The following GRM5 variants were observed in gnomAD, a reference collection of about 807,000 sequenced individuals.
GRM5 encodes glutamate metabotropic receptor 5, also known as metabotropic glutamate receptor 5.
Under a neutral mutation model 83.1 loss-of-function variants are expected in GRM5, and 19 were observed. The observed-to-expected ratio is 0.23, with a 90% CI of 0.16 to 0.34. GRM5 has a LOEUF of 0.34. Among genes scored for constraint, GRM5 ranks in the 10% least tolerant of loss-of-function variants. The pLI is 1.00. For synonymous variants in GRM5, 675 were observed against 633.6 expected, an observed-to-expected ratio of 1.07 and a Z score of -0.98; for missense variants, 1,160 against 1,588.3, an observed-to-expected ratio of 0.73 and a Z score of 4.58.
Position 88,950,868 on chromosome 11 carries a change from T to A in GRM5, c.661+96344A>T, listed in dbSNP as rs186752627. Among the ~76,000 whole-genome samples, 10 of 152,316 alleles carry A rather than the reference T, an allele frequency of 6.6e-5. No homozygotes were observed. The East Asian group carries it at 1.2e-3, about 18-fold the overall frequency. ...CCAGTGTGATTCTAATTCACAGGTT[T>A]GTCGTTAGGATCAAGGGAGATACTA... is the stretch of plus-strand genomic sequence containing the variant. On this transcript the variant is annotated intron_variant, in intron 2 of 9. Coordinates refer to ENST00000305447, the MANE Select transcript of GRM5 (RefSeq NM_001143831.3).
rs1363695443 is a variant in GRM5, at chr11:88,604,756, A to G, written c.1356T>C (p.Asp452=). 1 of 1,612,184 alleles carries G rather than the reference A, an allele frequency of 6.2e-7. No individual in the cohort carries two copies. Residue 452 remains aspartate (D), a synonymous_variant, in exon 5 of 10, where the codon GAT becomes GAC. Coordinates refer to ENST00000305447, the MANE Select transcript of GRM5 (RefSeq NM_001143831.3). ...CTCCATTCTCATCGAATAGGATCGT[A>G]TCTCCAGAAACCCCAGTAAAATTGG... ...MKTNFTGVSG[D]TILFDENGDS...
chr11:88,594,039 C>T (rs186775018), intron 6 of GRM5, among the ~76,000 whole-genome samples: 5 of 152,140 alleles, frequency 3.3e-5, no homozygotes, highest in East Asian at 2.0e-4. Flanking sequence ...GTGATCCGCC[C>T]GCCTAGGCCT....
At chr11:89,031,256 T>C (rs1941254979) in intron 2 of GRM5, among the ~76,000 whole-genome samples, 1 of 152,002 alleles carries the variant, frequency 6.6e-6, no homozygotes, top group African/African-American at 2.4e-5. Context: ...CCAGCAATTA[T>C]TTATTTAAAA....
In GRM5 at chr11:89,047,738, G is replaced by T. The variant is rs768500067; in HGVS notation, c.135C>A (p.His45Gln). 3.1e-6 allele frequency: 5 copies of T among 1,614,080 alleles called. No individual in the cohort carries two copies. The highest frequency in any genetic ancestry group is 4.2e-6 in the Non-Finnish European group (5 of 1,180,006). Residue 45 changes from histidine (H) to glutamine (Q), a missense_variant, in exon 2 of 10, where the codon CAC becomes CAA. By Grantham distance (24) the His-to-Gln change is conservative. Coordinates refer to ENST00000305447, the MANE Select transcript of GRM5 (RefSeq NM_001143831.3). The surrounding 1 kb of genome is among the most constrained non-coding windows in gnomAD (Gnocchi z 5.1). ...IIIGALFSVHHQPTVDKVHER... is the reference protein window; with the variant it reads ...IIIGALFSVHQQPTVDKVHER... ...CATGAACTTTGTCCACAGTAGGCTG[G>T]TGATGAACAGAAAAGAGAGCTCCAA...
intron 2 of GRM5, among the ~76,000 whole-genome samples, chr11:88,978,502 A>AAC: frequency 1.3e-5 from 1 of 77,440 alleles, no homozygotes; most frequent in Non-Finnish European, 2.5e-5. Context: ...AAAAAAAAAA[A>AAC]AAAAAAAAAA....
At chr11:88,882,151 C>G (rs897803489) in intron 2 of GRM5, among the ~76,000 whole-genome samples, 2 of 151,860 alleles carry the variant, frequency 1.3e-5, no homozygotes, top group Middle Eastern at 3.4e-3. Context: ...GAAAGAGAAT[C>G]GCTTGAACCC....
intron 9 of GRM5, among the ~76,000 whole-genome samples, chr11:88,517,909 T>C (rs917852908): frequency 5.9e-5 from 9 of 152,136 alleles, no homozygotes; most frequent in African/African-American, 1.9e-4. Context: ...CATAAATGTG[T>C]GCATATAGAT....
chr11:88,624,439 T>C (rs542692723), intron 4 of GRM5, among the ~76,000 whole-genome samples: 109 of 152,336 alleles, frequency 7.2e-4, no homozygotes, highest in African/African-American at 2.6e-3. Flanking sequence ...CCATGCCTTA[T>C]GGACGTACTC....
intron 2 of GRM5, among the ~76,000 whole-genome samples, chr11:88,930,598 C>CCTCACTGCAACCTCTGGTTG (rs530153257): frequency 1.5e-4 from 23 of 152,048 alleles, no homozygotes; most frequent in South Asian, 2.1e-4. Context: ...ATCACTGCAA[C>CCTCACTGCAACCTCTGGTTG]CTCACTGCAA....
chr11:88,684,966 T>C (rs1342877176), intron 3 of GRM5, among the ~76,000 whole-genome samples: 3 of 152,182 alleles, frequency 2.0e-5, no homozygotes, highest in Non-Finnish European at 4.4e-5. Context: ...AGACTAATTA[T>C]AATAAATTGG....
In GRM5 at chr11:88,606,250, C is replaced by T. The variant is rs565335158; in HGVS notation, c.1148-1286G>A. On this transcript the variant is annotated intron_variant, in intron 4 of 9. Transcript: ENST00000305447. ...AAGATTGCTGCCTTTTGGCTAGGAG[C>T]GGTGGCTCACGCCTGTAATCCCAAC... Among the ~76,000 whole-genome samples the T allele has an allele frequency of 1.4e-4, 22 of 152,276 alleles. No homozygotes were observed. The South Asian group carries it at 2.1e-3, about 14-fold the overall frequency.
chr11:88,932,515 A>G (rs1304588739), intron 2 of GRM5, among the ~76,000 whole-genome samples: 1 of 151,884 alleles, frequency 6.6e-6, no homozygotes, highest in African/African-American at 2.4e-5. Context: ...CACTTAATCC[A>G]GTTTAGTTAT....
At chr11:88,890,317 C>T (rs1945122457) in intron 2 of GRM5, among the ~76,000 whole-genome samples, 1 of 152,154 alleles carries the variant, frequency 6.6e-6, no homozygotes, top group East Asian at 1.9e-4. Context: ...CCTTTGCCTT[C>T]AGCTGTGCCT....
intron 4 of GRM5, among the ~76,000 whole-genome samples, chr11:88,608,390 C>A (rs1938218823): frequency 6.6e-6 from 1 of 152,042 alleles, no homozygotes; most frequent in African/African-American, 2.4e-5. Context: ...CACTCCCTAT[C>A]TTCTTTTGTG....
intron 3 of GRM5, among the ~76,000 whole-genome samples, chr11:88,769,777 T>G (rs563331527): frequency 7.6e-4 from 115 of 152,040 alleles, no homozygotes; most frequent in South Asian, 1.7e-3. Flanking sequence ...AATTAATAAG[T>G]GGAGGACAAT....
intron 5 of GRM5, among the ~76,000 whole-genome samples, chr11:88,602,403 G>A (rs775221305): frequency 5.3e-5 from 8 of 152,252 alleles, no homozygotes; most frequent in South Asian, 2.1e-4. Flanking sequence ...TGATTAAAAC[G>A]TGCTAACAGT....
chr11:88,617,078 A>C (rs1938504846), intron 4 of GRM5, among the ~76,000 whole-genome samples: 1 of 152,224 alleles, frequency 6.6e-6, no homozygotes, highest in Non-Finnish European at 1.5e-5. Context: ...AAGTCAGTTT[A>C]CCAGACAGAA....
chr11:88,574,201 G>GAA (rs1943059490), intron 7 of GRM5, among the ~76,000 whole-genome samples: 1 of 152,056 alleles, frequency 6.6e-6, no homozygotes, highest in African/African-American at 2.4e-5. Flanking sequence ...CACTCATATG[G>GAA]TTAATATAGC....
rs937363905 is a variant in GRM5, at chr11:88,988,523, C to A, written c.661+58689G>T. Among the ~76,000 whole-genome samples, 348 of 152,132 alleles carry A rather than the reference C, an allele frequency of 2.3e-3. 3 individuals are homozygous for A. Among genetic ancestry groups the A allele is most frequent in the African/African-American group, 8.0e-3 (330 of 41,474 alleles). Reference sequence around the variant, plus strand: ...AAATACAGAGAACGCCACAAAGATACTCCTCGAGAAGAGCAACTCCAAGAC... The same window carrying A: ...AAATACAGAGAACGCCACAAAGATAATCCTCGAGAAGAGCAACTCCAAGAC... On this transcript the variant is annotated intron_variant, in intron 2 of 9. Transcript: ENST00000305447.
Sources: gnomAD v4.1 joint callset for allele counts (sites outside exome capture counted in the v4.1 genomes callset) on GRCh38, gnomAD v4.1.1 for gene constraint, Gnocchi (gnomAD v3.1) non-coding constraint, MANE v1.5 for transcripts, NCBI Gene and HGNC (gene_info 2026-07-23, HGNC 2026-07-21) for gene names.